FARS2: variants seen among roughly 807,000 people sequenced by gnomAD.
The protein encoded by FARS2 is phenylalanine--tRNA ligase, mitochondrial.
A neutral mutation model predicts 46.4 loss-of-function variants in FARS2; 40 were observed. That is an observed-to-expected ratio of 0.86 (90% CI 0.67 to 1.12). FARS2 has a LOEUF of 1.12. FARS2 is among the 50% of genes most tolerant of loss of function. The pLI is 0.00. For synonymous variants in FARS2, 234 were observed against 214.9 expected, an observed-to-expected ratio of 1.09 and a Z score of -0.78; for missense variants, 513 against 567.9, an observed-to-expected ratio of 0.90 and a Z score of 0.98.
At chr6:5,358,260 C>G (rs1758063578) in intron 1 of FARS2, among the ~76,000 whole-genome samples, 1 of 151,714 alleles carries the variant, frequency 6.6e-6, no homozygotes, top group East Asian at 1.9e-4. Flanking sequence ...AAACTTGATT[C>G]TTTTTCATTA....
rs115039835 is a variant in FARS2, at chr6:5,712,962, C to T, written c.1218-58329C>T. Among the ~76,000 whole-genome samples the T allele has an allele frequency of 9.2e-3, 1,407 of 152,324 alleles. 25 individuals are homozygous for T. The highest frequency in any genetic ancestry group is 0.031 in the African/African-American group (1,306 of 41,576). Reference sequence around the variant, plus strand: ...GTACCTGTAGAACTTTCACTGTCACCGTTGTGATCCTTCCATCTGATAAGC... The same window carrying T: ...GTACCTGTAGAACTTTCACTGTCACTGTTGTGATCCTTCCATCTGATAAGC... On this transcript the variant is annotated intron_variant, in intron 6 of 6. Coordinates refer to ENST00000274680, the MANE Select transcript of FARS2 (RefSeq NM_006567.5).
intron 5 of FARS2, among the ~76,000 whole-genome samples, chr6:5,575,714 A>G (rs1772921401): frequency 6.6e-6 from 1 of 152,238 alleles, no homozygotes; most frequent in Non-Finnish European, 1.5e-5. Flanking sequence ...AATCTGAAAT[A>G]GTTTCTCAGC....
chr6:5,414,734 T>C (rs1291714053), intron 3 of FARS2, among the ~76,000 whole-genome samples: 2 of 151,878 alleles, frequency 1.3e-5, no homozygotes, highest in Non-Finnish European at 2.9e-5. Context: ...TGTGGACAAG[T>C]CTTTATATGG....
intron 4 of FARS2, chr6:5,466,951 G>A: frequency 1.0e-6 from 1 of 985,396 alleles, no homozygotes; most frequent in Non-Finnish European, 1.2e-6. Context: ...AGCACAGCCT[G>A]TGCAGGAATG....
chr6:5,557,148 T>C (rs965172445), intron 5 of FARS2, among the ~76,000 whole-genome samples: 1 of 152,132 alleles, frequency 6.6e-6, no homozygotes, highest in African/African-American at 2.4e-5. Flanking sequence ...GACAAGTTAA[T>C]GTCTTTTTTT....
At chr6:5,547,993 G>A (rs113544010) in intron 5 of FARS2, among the ~76,000 whole-genome samples, 37 of 152,330 alleles carry the variant, frequency 2.4e-4, no homozygotes, top group African/African-American at 8.7e-4. Context: ...TTAATTGGAC[G>A]TACAGTTCCA....
chr6:5,506,879 C>A (rs1768132587), intron 4 of FARS2, among the ~76,000 whole-genome samples: 3 of 152,280 alleles, frequency 2.0e-5, no homozygotes, highest in Admixed American at 1.3e-4. Context: ...TCTTGGCAAT[C>A]CAGAGTTTTT....
chr6:5,302,977 A>G (rs1054290272), intron 1 of FARS2, among the ~76,000 whole-genome samples: 2 of 152,198 alleles, frequency 1.3e-5, no homozygotes, highest in Non-Finnish European at 2.9e-5. Context: ...TTTATTAAGC[A>G]TTCATAAGTG....
intron 5 of FARS2, among the ~76,000 whole-genome samples, chr6:5,587,735 G>A (rs1389956198): frequency 6.6e-6 from 1 of 152,110 alleles, no homozygotes; most frequent in African/African-American, 2.4e-5. Context: ...AACATTCTTT[G>A]GGTCAAATAT....
chr6:5,322,888 G>A (rs766987453), intron 1 of FARS2, among the ~76,000 whole-genome samples: 6 of 152,124 alleles, frequency 3.9e-5, no homozygotes, highest in Non-Finnish European at 7.4e-5. Flanking sequence ...AGTATTCCTG[G>A]ACATCTGATT....
chr6:5,687,165 G>T (rs1757298821), intron 6 of FARS2, among the ~76,000 whole-genome samples: 1 of 152,128 alleles, frequency 6.6e-6, no homozygotes, highest in African/African-American at 2.4e-5. Context: ...TCATTCTGAT[G>T]GTAGTTTCTT....
intron 6 of FARS2, among the ~76,000 whole-genome samples, chr6:5,645,731 T>A (rs1777043642): frequency 6.6e-6 from 1 of 152,210 alleles, no homozygotes; most frequent in Non-Finnish European, 1.5e-5. Context: ...AAATGTATTG[T>A]CTGGCACAGC....
chr6:5,626,082 G>A (rs1776016054), intron 6 of FARS2, among the ~76,000 whole-genome samples: 1 of 152,142 alleles, frequency 6.6e-6, no homozygotes, highest in Admixed American at 6.5e-5. Context: ...TGGGTGTCTA[G>A]TAAGGAAAAA....
chr6:5,612,524 A>G (rs1307892995), intron 5 of FARS2, among the ~76,000 whole-genome samples: 2 of 152,224 alleles, frequency 1.3e-5, no homozygotes, highest in Non-Finnish European at 2.9e-5. Context: ...CAAATACAGT[A>G]ACTTCTAAAC....
intron 1 of FARS2, among the ~76,000 whole-genome samples, chr6:5,315,741 C>CTTTCTTTCTTTCTTCCTTTCTTTCTTT (rs755531154): frequency 1.7e-4 from 10 of 60,078 alleles, no homozygotes; most frequent in African/African-American, 4.5e-4. Flanking sequence ...TTTCTTTTTT[C>CTTTCTTTCTTTCTTCCTTTCTTTCTTT]CTTTCTTTCT....
intron 5 of FARS2, among the ~76,000 whole-genome samples, chr6:5,550,273 T>A (rs557705799): frequency 1.6e-4 from 25 of 152,316 alleles, no homozygotes; most frequent in African/African-American, 5.1e-4. Flanking sequence ...CCTTCTTTTT[T>A]AAAGTTCTTT....
intron 6 of FARS2, among the ~76,000 whole-genome samples, chr6:5,633,429 C>T (rs1165161854): frequency 6.6e-6 from 1 of 151,936 alleles, no homozygotes; most frequent in Non-Finnish European, 1.5e-5. Context: ...ACATGCGCCA[C>T]CACACCCAGC....
intron 6 of FARS2, among the ~76,000 whole-genome samples, chr6:5,655,183 T>G (rs1481403019): frequency 6.6e-6 from 1 of 152,202 alleles, no homozygotes; most frequent in Non-Finnish European, 1.5e-5. Flanking sequence ...GTATATGCTT[T>G]TCTCTCCTTG....
At chr6:5,683,511 G>A (rs1477703489) in intron 6 of FARS2, among the ~76,000 whole-genome samples, 1 of 152,130 alleles carries the variant, frequency 6.6e-6, no homozygotes, top group East Asian at 1.9e-4. Context: ...GATTTCTAGG[G>A]ATACAGGAGA....
Sources: gnomAD v4.1 joint callset for allele counts (sites outside exome capture counted in the v4.1 genomes callset) on GRCh38, gnomAD v4.1.1 for gene constraint, MANE v1.5 for transcripts, NCBI Gene and HGNC (gene_info 2026-07-23, HGNC 2026-07-21) for gene names.